The following SS18 variants were observed in gnomAD, a reference collection of about 807,000 sequenced individuals.
The protein encoded by SS18 is protein SSXT.
Under a neutral mutation model 72.5 loss-of-function variants are expected in SS18, and 28 were observed. That is an observed-to-expected ratio of 0.39 (90% confidence interval 0.29 to 0.53). SS18 has a LOEUF of 0.53. Ranked by LOEUF, SS18 falls within the 20% of genes least tolerant of loss-of-function variation. SS18 has a pLI of 0.76. For synonymous variants in SS18, 172 were observed against 164.2 expected (o/e 1.05, Z -0.37); for missense variants, 518 against 535.3 (o/e 0.97, Z 0.32).
chr18:26,072,083 A>G (rs1295717284), intron 3 of SS18, among the ~76,000 whole-genome samples: 1 of 152,170 alleles, frequency 6.6e-6, no homozygotes, highest in Non-Finnish European at 1.5e-5. Context: ...AAAGACAGTA[A>G]TAACAACCAC....
At position 26,078,063 on chromosome 18, in the gene SS18, T is replaced by TA. The variant is rs1368355942; in HGVS notation, c.231+12dup. 3 of 1,585,164 alleles carry TA rather than the reference T, an allele frequency of 1.9e-6. No homozygotes were observed. Among genetic ancestry groups the TA allele is most frequent in the Non-Finnish European group, 2.6e-6 (3 of 1,156,848 alleles). On this transcript the variant is annotated intron_variant, in intron 3 of 10. Coordinates refer to ENST00000415083, the MANE Select transcript of SS18 (RefSeq NM_001007559.3). Reference sequence around the variant, plus strand: ...AAAGATTGTCTACTTCACATGATTTTAAAGATACTTACTGCTGGTAAAAGA... The same window carrying TA: ...AAAGATTGTCTACTTCACATGATTTTAAAAGATACTTACTGCTGGTAAAAGA...
intron 9 of SS18, among the ~76,000 whole-genome samples, 178 bp from the exon 10 acceptor site, chr18:26,032,710 T>TAA (rs1183578721): frequency 2.0e-5 from 3 of 152,120 alleles, no homozygotes; most frequent in Non-Finnish European, 4.4e-5. Flanking sequence ...ATAATAAGAG[T>TAA]AAAAATACTG....
At chr18:26,034,720 G>A (rs2053598719) in intron 9 of SS18, among the ~76,000 whole-genome samples, 1 of 151,974 alleles carries the variant, frequency 6.6e-6, no homozygotes. Context: ...GCACACACAG[G>A]GCTAGGCATG....
At position 26,018,188 on chromosome 18, in the gene SS18, A is replaced by G. The variant is rs2053281603; in HGVS notation, c.*166T>C. 9 of 569,756 alleles carry G rather than the reference A, an allele frequency of 1.6e-5. No homozygotes were observed. In the South Asian group the frequency reaches 1.7e-4, roughly 11 times the overall value. The allele number at this position is 569,756 out of a possible 1,614,324, so 35.3% of individuals were successfully genotyped here. On this transcript the variant is annotated 3_prime_UTR_variant, in exon 11 of 11. Coordinates refer to ENST00000415083, the MANE Select transcript of SS18 (RefSeq NM_001007559.3). ...TATTTTTGAGCTACTAAAGCCTTTT[A>G]TAACTAAACCACAAAGGCTGCTTAC...
chr18:26,027,720 G>T (rs879416379), intron 10 of SS18, among the ~76,000 whole-genome samples: 1 of 91,612 alleles, frequency 1.1e-5, no homozygotes, highest in Middle Eastern at 0.01. Context: ...TTCAACAAAT[G>T]ACTCTGAGAA....
intron 3 of SS18, among the ~76,000 whole-genome samples, chr18:26,067,277 A>C (rs1336745619): frequency 6.6e-6 from 1 of 152,242 alleles, no homozygotes; most frequent in East Asian, 1.9e-4. Context: ...ACACTTGGAC[A>C]CCAAGCTATG....
intron 10 of SS18, among the ~76,000 whole-genome samples, chr18:26,031,060 A>T (rs568134631): frequency 1.8e-4 from 27 of 152,206 alleles, no homozygotes; most frequent in Admixed American, 9.2e-4. Flanking sequence ...TTGTTGAGTG[A>T]TGGAATACAT....
chr18:26,018,355 C>T lies in SS18; in HGVS notation c.1256G>A (p.Ter419=), dbSNP rs1168505318. 1 of 1,601,450 alleles carries T rather than the reference C, an allele frequency of 6.2e-7. No individual in the cohort carries two copies. Among genetic ancestry groups the T allele is most frequent in the African/African-American group, 1.3e-5 (1 of 74,794 alleles). ...GGCTACTGGAATGTAAGTACTTTTT[C>T]ACTGCTGGTAATTTCCATACTGTCC... ...DQGQYGNYQQ[*] The change falls in exon 11 of 11, where the codon TGA becomes TAA. Residue 419 remains the stop codon, a stop_retained_variant. Coordinates refer to ENST00000415083, the MANE Select transcript of SS18 (RefSeq NM_001007559.3).
At chr18:26,021,616 G>A (rs2053351764) in intron 10 of SS18, among the ~76,000 whole-genome samples, 1 of 152,158 alleles carries the variant, frequency 6.6e-6, no homozygotes, top group Non-Finnish European at 1.5e-5. Context: ...ATGAAGACAG[G>A]AGATGAACAT....
intron 1 of SS18, chr18:26,089,644 G>C (rs1447513054): frequency 6.6e-6 from 1 of 152,244 alleles, no homozygotes; most frequent in Non-Finnish European, 1.5e-5. Context: ...AGGCAACAAG[G>C]GGTAGAGGAC....
At chr18:26,023,483 T>C (rs1006047433) in intron 10 of SS18, 1 of 375,828 alleles carries the variant, frequency 2.7e-6, no homozygotes. Flanking sequence ...AAAGGGAAAA[T>C]CTTAAAAACA....
At chr18:26,021,052 T>G (rs2053340390) in intron 10 of SS18, among the ~76,000 whole-genome samples, 1 of 152,196 alleles carries the variant, frequency 6.6e-6, no homozygotes, top group Non-Finnish European at 1.5e-5. Context: ...ATGGAGGCAC[T>G]GAGAGTCTAA....
chr18:26,083,714 C>T (rs566601103), intron 2 of SS18, among the ~76,000 whole-genome samples: 131 of 152,180 alleles, frequency 8.6e-4, no homozygotes, highest in African/African-American at 3.1e-3. Flanking sequence ...TATAATCTTT[C>T]GGTCTATTGT....
chr18:26,061,641 T>A (rs1452270984), intron 3 of SS18, among the ~76,000 whole-genome samples: 1 of 151,456 alleles, frequency 6.6e-6, no homozygotes, highest in Non-Finnish European at 1.5e-5. Context: ...CAAAATGACA[T>A]CTGTAAAGTG....
chr18:26,050,032 A>AG (rs1211915445), intron 5 of SS18, among the ~76,000 whole-genome samples: 2 of 152,232 alleles, frequency 1.3e-5, no homozygotes, highest in Non-Finnish European at 1.5e-5. Flanking sequence ...GGATGGCTTG[A>AG]GGTCAGGAGT....
chr18:26,080,915 A>C (rs1395420709), intron 2 of SS18, among the ~76,000 whole-genome samples: 1 of 152,154 alleles, frequency 6.6e-6, no homozygotes, highest in Non-Finnish European at 1.5e-5. Context: ...CAGGACAACC[A>C]TCATGGGGAA....
intron 10 of SS18, among the ~76,000 whole-genome samples, chr18:26,022,619 C>G (rs2053372518): frequency 6.6e-6 from 1 of 152,134 alleles, no homozygotes; most frequent in Non-Finnish European, 1.5e-5. Context: ...GAGGCTGAGT[C>G]TGCCAGATGT....
intron 7 of SS18, among the ~76,000 whole-genome samples, chr18:26,038,200 T>G (rs2053658156): frequency 6.6e-6 from 1 of 152,154 alleles, no homozygotes; most frequent in South Asian, 2.1e-4. Flanking sequence ...ATGGGTGAAC[T>G]TTATGGCAGG....
intron 10 of SS18, among the ~76,000 whole-genome samples, chr18:26,026,328 G>T (rs1180879690): frequency 6.6e-6 from 1 of 152,100 alleles, no homozygotes; most frequent in Non-Finnish European, 1.5e-5. Context: ...TTTATCCCAG[G>T]TATGAAGTTG....
Sources: allele counts gnomAD v4.1 joint callset (sites outside exome capture counted in the v4.1 genomes callset), GRCh38; gene constraint gnomAD v4.1.1; transcripts MANE v1.5; gene names NCBI Gene and HGNC (gene_info 2026-07-23, HGNC 2026-07-21).